The following TTC39A variants were observed in gnomAD, a reference collection of about 807,000 sequenced individuals.
TTC39A encodes the protein tetratricopeptide repeat protein 39A.
Under a neutral mutation model 82.3 loss-of-function variants are expected in TTC39A, and 46 were observed. That is an observed-to-expected ratio of 0.56 (90% CI 0.44 to 0.71). The LOEUF (loss-of-function observed/expected upper bound fraction) is 0.71. Ranked by LOEUF, TTC39A falls within the 30% of genes least tolerant of loss-of-function variation. The probability of loss-of-function intolerance (pLI) is 0.00; values close to 1 mark genes in which losing one functional copy is unlikely to be tolerated. For missense variants in TTC39A, 543 were observed against 712.9 expected (o/e 0.76, Z 2.71); for synonymous variants, 254 against 275.2 (o/e 0.92, Z 0.76).
intron 5 of TTC39A, among the ~76,000 whole-genome samples, chr1:51,310,021 G>A (rs1299836114): frequency 6.6e-6 from 1 of 152,038 alleles, no homozygotes; most frequent in Non-Finnish European, 1.5e-5. Flanking sequence ...AAAAAAAATA[G>A]AGTAGGGCCA....
intron 5 of TTC39A, chr1:51,309,559 G>T: frequency 1.1e-6 from 1 of 902,876 alleles, no homozygotes; most frequent in Non-Finnish European, 1.5e-6. Context: ...GAGAGGCCTG[G>T]AGGGGCCACG....
At chr1:51,306,161 A>G in intron 6 of TTC39A, 85 bp from the exon 7 acceptor site, 2 of 1,104,034 alleles carry the variant, frequency 1.8e-6, no homozygotes. Context: ...GGCCTCAGGT[A>G]AACTCCCTGG....
At chr1:51,292,917 T>A (rs1644276547) in intron 14 of TTC39A, among the ~76,000 whole-genome samples, 1 of 152,242 alleles carries the variant, frequency 6.6e-6, no homozygotes, top group Admixed American at 6.5e-5. Flanking sequence ...CTTTCCCAAA[T>A]GTATTTAATC....
intron 1 of TTC39A, among the ~76,000 whole-genome samples, chr1:51,323,826 T>C (rs1645614066): frequency 6.6e-6 from 1 of 152,232 alleles, no homozygotes; most frequent in Non-Finnish European, 1.5e-5. Context: ...ATTATTTCTA[T>C]TCTATATCTC....
At chr1:51,331,680 A>G, upstream of TTC39A, 1 of 985,388 alleles carries the variant, frequency 1.0e-6, no homozygotes, top group Non-Finnish European at 1.2e-6. Context: ...CATCCTGCCC[A>G]TTTGTGAGCA....
At chr1:51,343,838 T>C (rs950701340) in intron 1 of TTC39A, among the ~76,000 whole-genome samples, 1 of 152,196 alleles carries the variant, frequency 6.6e-6, no homozygotes, top group African/African-American at 2.4e-5. Context: ...CAGGCTGCTC[T>C]CAAACTCCTG....
chr1:51,337,797 C>T (rs982145215), intron 1 of TTC39A, among the ~76,000 whole-genome samples: 4 of 152,158 alleles, frequency 2.6e-5, no homozygotes, highest in Non-Finnish European at 4.4e-5. Flanking sequence ...TTTTCCACAG[C>T]GCTTGTTGTC....
chr1:51,332,067 C>A (rs1436308252), upstream of TTC39A, among the ~76,000 whole-genome samples: 2 of 152,188 alleles, frequency 1.3e-5, no homozygotes, highest in Non-Finnish European at 2.9e-5. Flanking sequence ...ACATGCTGTT[C>A]CCTCTGTGTG....
intron 1 of TTC39A, among the ~76,000 whole-genome samples, chr1:51,337,929 G>A (rs1437505811): frequency 6.6e-6 from 1 of 152,074 alleles, no homozygotes; most frequent in Non-Finnish European, 1.5e-5. Context: ...GGCTGGTCTT[G>A]AACTCCTGGG....
upstream of TTC39A, chr1:51,331,046 T>C: frequency 1.2e-6 from 1 of 845,600 alleles, no homozygotes. Context: ...TAGCACTCAC[T>C]GCTAGCTGGC....
In TTC39A at chr1:51,323,469, C is replaced by G. The variant is rs151110805; in HGVS notation, c.42-1644G>C. ...CAATACCTTCTGGTCCAGGCCAGCA[C>G]CATCTTTACCCAGGTCTGTTGGAAC... is the stretch of plus-strand genomic sequence containing the variant. On this transcript the variant is annotated intron_variant, in intron 1 of 17. Transcript: ENST00000680483. Among the ~76,000 whole-genome samples, 273 of 152,250 alleles carry G rather than the reference C, an allele frequency of 1.8e-3. 4 individuals are homozygous for G. The East Asian group carries it at 0.027, about 15-fold the overall frequency.
intron 1 of TTC39A, among the ~76,000 whole-genome samples, chr1:51,328,313 T>C (rs890585720): frequency 2.6e-5 from 4 of 152,114 alleles, no homozygotes; most frequent in African/African-American, 9.7e-5. Flanking sequence ...ACTGTCTGAA[T>C]AGCAAGACAC....
chr1:51,301,683 C>A lies in TTC39A; in HGVS notation c.942G>T (p.Gln314His). ...ECCEAQQHWK[Q>H]FHHMCYWELM... ...GCTCCCAGTAGCACATGTGGTGGAACTGCTTCCAGTGCTGCTGGGCCTCAC... is the reference window on the plus strand; with the variant it reads ...GCTCCCAGTAGCACATGTGGTGGAAATGCTTCCAGTGCTGCTGGGCCTCAC... The change falls in exon 12 of 18, where the codon CAG becomes CAT. Residue 314 changes from glutamine to histidine, a missense_variant. By Grantham distance (24) the Gln-to-His change is conservative (BLOSUM62 0). Coordinates refer to ENST00000680483, the MANE Select transcript of TTC39A (RefSeq NM_001297663.2). 1 of 1,613,412 alleles carries A rather than the reference C, an allele frequency of 6.2e-7. No homozygotes were observed. Among genetic ancestry groups the A allele is most frequent in the Non-Finnish European group, 8.5e-7 (1 of 1,179,392 alleles).
At chr1:51,316,575 C>T (rs866390126) in intron 2 of TTC39A, among the ~76,000 whole-genome samples, 1 of 152,236 alleles carries the variant, frequency 6.6e-6, no homozygotes, top group Non-Finnish European at 1.5e-5. Context: ...GAAAGCTGCC[C>T]CCTACACAGA....
At chr1:51,317,170 A>C (rs911301601) in intron 2 of TTC39A, among the ~76,000 whole-genome samples, 1 of 152,184 alleles carries the variant, frequency 6.6e-6, no homozygotes, top group Non-Finnish European at 1.5e-5. Context: ...ACCATCCCCC[A>C]CTGCATGGGA....
rs1376215759 is a variant in TTC39A at position 51,345,093 on chromosome 1, G to A, written c.-50C>T. On this transcript the variant is annotated 5_prime_UTR_variant, in exon 1 of 6. Coordinates refer to the TTC39A transcript ENST00000401051. The stretch of plus-strand genomic sequence containing the variant: ...GCCGCGGGCGGCCCCTCGCGGCGGC[G>A]GCGGCGGCCGTGGAGGCTACAGTGG... 5.5e-6 allele frequency: 7 copies of A among 1,279,100 alleles called. No individual in the cohort carries two copies. The East Asian group carries it at 1.3e-4, about 24-fold the overall frequency. 79.2% of individuals were successfully genotyped at this position (1,279,100 alleles called of 1,614,324 possible).
chr1:51,306,021 G>A lies in TTC39A; in HGVS notation c.544C>T (p.His182Tyr), dbSNP rs778379923. Residue 182 changes from histidine to tyrosine, a missense_variant, in exon 7 of 18, where the codon CAC becomes TAC. His to Tyr is a moderately conservative substitution (Grantham distance 83). Transcript: ENST00000680483. ...SQYCKGENHP[H>Y]FEGGVKLGVG... The stretch of plus-strand genomic sequence containing the variant: ...CCAAGCTTCACTCCTCCTTCAAAGT[G>A]CGGGTGGTTCTCACCCTTGCAGTAT... 7.4e-6 allele frequency: 12 copies of A among 1,614,040 alleles called. No individual in the cohort carries two copies. The highest frequency in any genetic ancestry group is 1.0e-5 in the Non-Finnish European group (12 of 1,179,892).
chr1:51,288,257 A>C lies in TTC39A; in HGVS notation c.1634T>G (p.Met545Arg). 6.2e-7 allele frequency: 1 copy of C among 1,613,968 alleles called. No individual in the cohort carries two copies. The highest frequency in any genetic ancestry group is 8.5e-7 in the Non-Finnish European group (1 of 1,179,852). ...GATTCGAAAGTGTGTCCTTGACTCCATGGAGTAATTCTTGTAGTTTTGCCT... is the reference window on the plus strand; with the variant it reads ...GATTCGAAAGTGTGTCCTTGACTCCCTGGAGTAATTCTTGTAGTTTTGCCT... Reference protein sequence around the residue: ...SAKQNYKNYSMESRTHFRIQA... With the variant: ...SAKQNYKNYSRESRTHFRIQA... The change falls in exon 18 of 18, where the codon ATG (methionine) becomes AGG (arginine). Residue 545 changes from methionine to arginine, a missense_variant. By Grantham distance (91) the Met-to-Arg change is moderately conservative. Transcript: ENST00000680483. This position sits in a 1 kb window ranked among gnomAD's most constrained non-coding sequence, Gnocchi z 4.8.
Position 51,288,831 on chromosome 1 carries a change from A to G in TTC39A, c.1610+8T>C. 6.3e-7 allele frequency: 1 copy of G among 1,593,378 alleles called. No homozygotes were observed. The highest frequency in any genetic ancestry group is 8.6e-7 in the Non-Finnish European group (1 of 1,169,558). On this transcript the variant is annotated splice_region_variant and intron_variant, in intron 17 of 17. Transcript: ENST00000680483. This position sits in a 1 kb window ranked among gnomAD's most constrained non-coding sequence, Gnocchi z 4.8. The stretch of plus-strand genomic sequence containing the variant: ...GCAAAGGACAGACTGAGGTTACCCA[A>G]GCCTTACTTGGCAGATTCCAAAAGT...
Sources: gnomAD v4.1 joint callset for allele counts (sites outside exome capture counted in the v4.1 genomes callset) on GRCh38, gnomAD v4.1.1 for gene constraint, Gnocchi (gnomAD v3.1) non-coding constraint, MANE v1.5 for transcripts, NCBI Gene and HGNC (gene_info 2026-07-23, HGNC 2026-07-21) for gene names.